The following MTUS2 variants were observed in gnomAD, a reference collection of about 807,000 sequenced individuals.
MTUS2 encodes microtubule associated scaffold protein 2, also known as microtubule-associated tumor suppressor candidate 2.
MTUS2 carries 40 observed loss-of-function variants against 114.1 expected under a neutral mutation model. The observed-to-expected ratio is 0.35, with a 90% CI of 0.27 to 0.46. The LOEUF (loss-of-function observed/expected upper bound fraction) is 0.46. Ranked by LOEUF, MTUS2 falls within the 20% of genes least tolerant of loss-of-function variation. The pLI is 1.00. For missense variants in MTUS2, 1,679 were observed against 1,705.4 expected, an observed-to-expected ratio of 0.98 and a Z score of 0.27; for synonymous variants, 688 against 672.0, an observed-to-expected ratio of 1.02 and a Z score of -0.37.
chr13:29,148,981 T>C (rs1451477769), intron 5 of MTUS2, among the ~76,000 whole-genome samples: 2 of 152,248 alleles, frequency 1.3e-5, no homozygotes, highest in African/African-American at 4.8e-5. Context: ...TGAATAATGC[T>C]GTAGTAAACA....
At chr13:29,208,312 C>G (rs1258348151) in intron 5 of MTUS2, among the ~76,000 whole-genome samples, 1 of 151,874 alleles carries the variant, frequency 6.6e-6, no homozygotes, top group Non-Finnish European at 1.5e-5. Context: ...TTATTTGGAT[C>G]TTTTCTCTTC....
intron 2 of MTUS2, among the ~76,000 whole-genome samples, chr13:28,927,454 T>C (rs1232585995): frequency 2.0e-5 from 3 of 152,110 alleles, no homozygotes; most frequent in African/African-American, 4.8e-5. Flanking sequence ...TAGTCCCAGC[T>C]GCTCAGGAGG....
intron 5 of MTUS2, among the ~76,000 whole-genome samples, chr13:29,267,385 TTG>T (rs1897705863): frequency 6.6e-6 from 1 of 152,198 alleles, no homozygotes; most frequent in South Asian, 2.1e-4. Context: ...GTTCTGTCCC[TTG>T]TGTTTCTTTC....
At chr13:28,940,304 G>T (rs953319778) in intron 2 of MTUS2, among the ~76,000 whole-genome samples, 2 of 152,168 alleles carry the variant, frequency 1.3e-5, no homozygotes, top group African/African-American at 4.8e-5. Context: ...ATTAGGTACT[G>T]ATACATGCTA....
In MTUS2 at chr13:29,249,701, A is replaced by G. The variant is rs1897056624; in HGVS notation, c.2645-32003A>G. Among the ~76,000 whole-genome samples the G allele has an allele frequency of 2.0e-5, 3 of 152,178 alleles. No homozygotes were observed. The South Asian group carries it at 6.2e-4, about 32-fold the overall frequency. On this transcript the variant is annotated intron_variant, in intron 5 of 15. Transcript: ENST00000612955. ...TTTAAGTTCTTTGTAAATTCAGAAT[A>G]TTAGACCTTTGTCAGATGGGTGTTT...
At chr13:29,402,376 G>A (rs958893948) in intron 8 of MTUS2, among the ~76,000 whole-genome samples, 3 of 152,322 alleles carry the variant, frequency 2.0e-5, no homozygotes, top group Non-Finnish European at 2.9e-5. Context: ...AGTGTCAGCA[G>A]ATGGTAGTAG....
At chr13:29,206,103 C>A (rs915538390) in intron 5 of MTUS2, among the ~76,000 whole-genome samples, 2 of 152,180 alleles carry the variant, frequency 1.3e-5, no homozygotes, top group Non-Finnish European at 2.9e-5. Flanking sequence ...TATGGCCGTT[C>A]TTGCTGGAGT....
At chr13:29,040,292 A>C (rs1014947844) in intron 4 of MTUS2, among the ~76,000 whole-genome samples, 1 of 152,224 alleles carries the variant, frequency 6.6e-6, no homozygotes, top group Non-Finnish European at 1.5e-5. Context: ...TGCGAATGCC[A>C]TTATTTCATT....
chr13:29,007,403 G>A (rs4769657), intron 2 of MTUS2, among the ~76,000 whole-genome samples: 76,802 of 151,998 alleles, frequency 0.51, 19,812 homozygotes, highest in African/African-American at 0.6. Flanking sequence ...AAGATGCTCT[G>A]TCTTTTGATT....
chr13:29,018,372 C>G (rs553374162), intron 2 of MTUS2, among the ~76,000 whole-genome samples: 2 of 152,268 alleles, frequency 1.3e-5, no homozygotes, highest in African/African-American at 4.8e-5. Context: ...GCCTTTCATG[C>G]TGTATTGCAC....
At chr13:29,463,035 G>A (rs983131590) in intron 9 of MTUS2, among the ~76,000 whole-genome samples, 4 of 152,144 alleles carry the variant, frequency 2.6e-5, no homozygotes, top group Admixed American at 6.5e-5. Flanking sequence ...CTTGTAAGAG[G>A]GAAGTTATAG....
At chr13:28,996,583 A>T (rs1326426722) in intron 2 of MTUS2, among the ~76,000 whole-genome samples, 2 of 152,142 alleles carry the variant, frequency 1.3e-5, no homozygotes, top group African/African-American at 4.8e-5. Flanking sequence ...AGAGCCTGTT[A>T]TCGGTCTATT....
chr13:28,976,499 T>C (rs1341192611), intron 2 of MTUS2, among the ~76,000 whole-genome samples: 2 of 152,184 alleles, frequency 1.3e-5, no homozygotes, highest in African/African-American at 4.8e-5. Context: ...TTCAGTAGAT[T>C]GCAGTGCATT....
At chr13:29,304,352 A>T (rs1333409147) in intron 6 of MTUS2, among the ~76,000 whole-genome samples, 1 of 152,214 alleles carries the variant, frequency 6.6e-6, no homozygotes, top group African/African-American at 2.4e-5. Context: ...GGCAAGCTGG[A>T]TAAAGAGCCA....
chr13:29,248,685 T>C (rs939386300), intron 5 of MTUS2, among the ~76,000 whole-genome samples: 1 of 152,196 alleles, frequency 6.6e-6, no homozygotes, highest in Admixed American at 6.5e-5. Flanking sequence ...TGTCCATGTG[T>C]TCTCATCGTT....
intron 5 of MTUS2, among the ~76,000 whole-genome samples, chr13:29,162,302 A>G (rs978039208): frequency 6.6e-6 from 1 of 152,144 alleles, no homozygotes; most frequent in Non-Finnish European, 1.5e-5. Context: ...CTATTAACTC[A>G]GTGTACATAC....
In MTUS2 at chr13:29,133,281, A is replaced by G. The variant is rs1054982235; in HGVS notation, c.2644+32311A>G. Among the ~76,000 whole-genome samples the G allele has an allele frequency of 5.3e-5, 8 of 151,892 alleles. No homozygotes were observed. The East Asian group carries it at 1.3e-3, about 26-fold the overall frequency. On this transcript the variant is annotated intron_variant, in intron 5 of 15. Transcript: ENST00000612955. ...ATATTAATCCCTTATCAGATATGCA[A>G]TTTGCAAATATTTTCTCTCATTCTG...
chr13:28,933,418 G>A (rs184236387), intron 2 of MTUS2, among the ~76,000 whole-genome samples: 83 of 152,258 alleles, frequency 5.5e-4, no homozygotes, highest in Non-Finnish European at 7.4e-5. Context: ...TCCACTGATC[G>A]GATAAGGCCA....
intron 6 of MTUS2, among the ~76,000 whole-genome samples, chr13:29,323,769 C>T (rs765471012): frequency 1.1e-4 from 16 of 152,100 alleles, no homozygotes; most frequent in South Asian, 2.1e-4. Context: ...AGTGAGGTCT[C>T]AGGGTTTGGG....
Sources: allele counts gnomAD v4.1 joint callset (sites outside exome capture counted in the v4.1 genomes callset), GRCh38; gene constraint gnomAD v4.1.1; transcripts MANE v1.5; gene names NCBI Gene and HGNC (gene_info 2026-07-23, HGNC 2026-07-21).